The following PPP2CB variants were observed in gnomAD, a reference collection of about 807,000 sequenced individuals.
PPP2CB encodes the protein serine/threonine-protein phosphatase 2A catalytic subunit beta isoform.
Under a neutral mutation model 39.1 loss-of-function variants are expected in PPP2CB, and 18 were observed. The observed-to-expected ratio is 0.46, with a 90% confidence interval of 0.32 to 0.68. The LOEUF is 0.68. PPP2CB is among the 30% of genes least tolerant of loss of function. The pLI is 0.04. For synonymous variants in PPP2CB, 129 were observed against 133.8 expected (o/e 0.96, Z 0.25); for missense variants, 226 against 396.9 (o/e 0.57, Z 3.66).
At chr8:30,790,662 C>G (rs1180272733) in intron 6 of PPP2CB, among the ~76,000 whole-genome samples, 1 of 152,212 alleles carries the variant, frequency 6.6e-6, no homozygotes, top group East Asian at 1.9e-4. Context: ...TGGAGCAGAG[C>G]TTCTGCCCCA....
At chr8:30,795,167 G>T (rs1434721864) in intron 3 of PPP2CB, among the ~76,000 whole-genome samples, 2 of 142,492 alleles carry the variant, frequency 1.4e-5, no homozygotes, top group African/African-American at 5.3e-5. Context: ...TTGTTGCCCA[G>T]TGCAATGGCG....
chr8:30,795,307 G>C (rs1487007023), intron 3 of PPP2CB, among the ~76,000 whole-genome samples: 1 of 151,970 alleles, frequency 6.6e-6, no homozygotes, highest in African/African-American at 2.4e-5. Flanking sequence ...TAGAGACAGG[G>C]TTTCTCCATG....
chr8:30,788,252 CTTG>C (rs146693005), intron 6 of PPP2CB, among the ~76,000 whole-genome samples: 1,726 of 151,252 alleles, frequency 0.011, 31 homozygotes, highest in African/African-American at 0.039. Context: ...TTCAAATCTT[CTTG>C]TTTTTTTTTT....
intron 3 of PPP2CB, 83 bp downstream of exon 3, chr8:30,797,498 T>C (rs998918971): frequency 2.5e-5 from 33 of 1,336,976 alleles, no homozygotes; most frequent in Admixed American, 2.3e-4. Context: ...ACACAGGTCA[T>C]ATGAATCTAG....
chr8:30,797,934 T>C (rs891536230), intron 2 of PPP2CB, among the ~76,000 whole-genome samples, 180 bp from the exon 3 acceptor site: 5 of 152,222 alleles, frequency 3.3e-5, no homozygotes, highest in Admixed American at 3.3e-4. Context: ...TGGTTAACAT[T>C]TGACGTGTTT....
intron 1 of PPP2CB, among the ~76,000 whole-genome samples, chr8:30,800,934 CGGT>C (rs1208645926): frequency 6.6e-6 from 1 of 152,062 alleles, no homozygotes; most frequent in Non-Finnish European, 1.5e-5. Flanking sequence ...CAGCCTGGCG[CGGT>C]GGCTCATGCC....
At chr8:30,808,070 T>A (rs1204063742) in intron 1 of PPP2CB, among the ~76,000 whole-genome samples, 1 of 152,160 alleles carries the variant, frequency 6.6e-6, no homozygotes, top group Non-Finnish European at 1.5e-5. Context: ...CCTTTACTAG[T>A]ACTACTCTGG....
intron 1 of PPP2CB, among the ~76,000 whole-genome samples, chr8:30,808,073 T>C (rs1431670139): frequency 1.3e-5 from 2 of 152,176 alleles, no homozygotes; most frequent in Non-Finnish European, 2.9e-5. Context: ...TTACTAGTAC[T>C]ACTCTGGTCT....
intron 1 of PPP2CB, among the ~76,000 whole-genome samples, chr8:30,801,384 T>C (rs1379820558): frequency 6.6e-6 from 1 of 151,728 alleles, no homozygotes; most frequent in Non-Finnish European, 1.5e-5. Context: ...TACAAAAAAT[T>C]AGCCCGGCAT....
At chr8:30,786,913 C>T (rs1277039226) in intron 6 of PPP2CB, among the ~76,000 whole-genome samples, 2 of 152,082 alleles carry the variant, frequency 1.3e-5, no homozygotes, top group African/African-American at 4.8e-5. Context: ...GATCCACCCG[C>T]TTCGGCCTCC....
intron 1 of PPP2CB, among the ~76,000 whole-genome samples, chr8:30,802,498 T>C (rs1806643111): frequency 6.6e-6 from 1 of 152,088 alleles, no homozygotes; most frequent in African/African-American, 2.4e-5. Flanking sequence ...AAATTTTCTT[T>C]GAGACAGGGT....
At chr8:30,789,735 G>T (rs1045096734) in intron 6 of PPP2CB, among the ~76,000 whole-genome samples, 2 of 152,118 alleles carry the variant, frequency 1.3e-5, no homozygotes, top group African/African-American at 4.8e-5. Flanking sequence ...TCACATACTA[G>T]TGATGGTTAC....
intron 2 of PPP2CB, among the ~76,000 whole-genome samples, chr8:30,798,833 G>A (rs142570460): frequency 3.1e-4 from 47 of 152,352 alleles, no homozygotes; most frequent in Non-Finnish European, 5.9e-4. Flanking sequence ...AATGGTTGAA[G>A]GTTACATGGA....
intron 6 of PPP2CB, among the ~76,000 whole-genome samples, chr8:30,788,706 T>G (rs1806382973): frequency 6.6e-6 from 1 of 152,234 alleles, no homozygotes; most frequent in Non-Finnish European, 1.5e-5. Context: ...TTGGGTGTTG[T>G]TTTACAGACA....
chr8:30,802,548 G>A (rs973624279), intron 1 of PPP2CB, among the ~76,000 whole-genome samples: 2 of 152,026 alleles, frequency 1.3e-5, no homozygotes, highest in Admixed American at 6.6e-5. Flanking sequence ...TGGTGTGAAC[G>A]TAGCTCACTG....
intron 1 of PPP2CB, among the ~76,000 whole-genome samples, chr8:30,804,063 C>G (rs1049902622): frequency 1.3e-5 from 2 of 152,086 alleles, no homozygotes; most frequent in African/African-American, 4.8e-5. Flanking sequence ...CCTCGTGATC[C>G]GCCCGCCTCG....
chr8:30,808,751 T>C (rs1295896685), intron 1 of PPP2CB, among the ~76,000 whole-genome samples: 2 of 152,124 alleles, frequency 1.3e-5, no homozygotes, highest in Non-Finnish European at 2.9e-5. Flanking sequence ...ATAGCCACTA[T>C]ATAAAAAAAA....
At chr8:30,802,760 T>C (rs1806648124) in intron 1 of PPP2CB, among the ~76,000 whole-genome samples, 1 of 152,142 alleles carries the variant, frequency 6.6e-6, no homozygotes, top group African/African-American at 2.4e-5. Flanking sequence ...ATCCACACAA[T>C]GGAATTTTAT....
At chr8:30,798,468 C>G (rs750411837) in intron 2 of PPP2CB, among the ~76,000 whole-genome samples, 1 of 152,202 alleles carries the variant, frequency 6.6e-6, no homozygotes, top group Admixed American at 6.5e-5. Flanking sequence ...CAGATCTACA[C>G]AAGTACAGTC....
Sources: allele counts gnomAD v4.1 joint callset (sites outside exome capture counted in the v4.1 genomes callset), GRCh38; gene constraint gnomAD v4.1.1; transcripts MANE v1.5; gene names NCBI Gene and HGNC (gene_info 2026-07-23, HGNC 2026-07-21).